The following CDK19 variants were observed in gnomAD, a reference collection of about 807,000 sequenced individuals.
The protein encoded by CDK19 is cyclin-dependent kinase 19.
In CDK19, 20 loss-of-function variants were observed where a neutral mutation model predicts 68.3. The ratio of observed to expected loss-of-function variants is 0.29; its 90% confidence interval spans 0.21 to 0.43. The LOEUF is 0.43. Among genes scored for constraint, CDK19 ranks in the 20% least tolerant of loss-of-function variants. The pLI is 1.00. For synonymous variants in CDK19, 221 were observed against 222.8 expected (o/e 0.99, Z 0.07); for missense variants, 339 against 623.5 (o/e 0.54, Z 4.86).
intron 1 of CDK19, among the ~76,000 whole-genome samples, chr6:110,798,989 C>T (rs764095607): frequency 1.3e-5 from 2 of 151,338 alleles, no homozygotes; most frequent in Non-Finnish European, 2.9e-5. Flanking sequence ...CAAAAAAATA[C>T]AAAAATCAAC....
Position 110,750,002 on chromosome 6 carries a change from C to T in CDK19, c.129-3801G>A, listed in dbSNP as rs945471967. Among the ~76,000 whole-genome samples the T allele has an allele frequency of 2.4e-4, 35 of 145,102 alleles. 2 individuals are homozygous for T. The highest frequency in any genetic ancestry group is 8.8e-4 in the African/African-American group (35 of 39,758). On this transcript the variant is annotated intron_variant, in intron 1 of 12. Coordinates refer to ENST00000368911, the MANE Select transcript of CDK19 (RefSeq NM_015076.5). Reference sequence around the variant, plus strand: ...GGCCAGGCTGGTCTCGAACTCCTGACCTGGTGATCCGCCCGCCTTGGCCTC... The same window carrying T: ...GGCCAGGCTGGTCTCGAACTCCTGATCTGGTGATCCGCCCGCCTTGGCCTC...
chr6:110,728,182 G>A (rs542796143), intron 2 of CDK19, among the ~76,000 whole-genome samples: 17 of 151,916 alleles, frequency 1.1e-4, no homozygotes, highest in African/African-American at 3.9e-4. Flanking sequence ...TAGCTACTCA[G>A]GAGGCTAAGG....
intron 1 of CDK19, among the ~76,000 whole-genome samples, chr6:110,785,078 A>AC (rs1342358083): frequency 6.6e-6 from 1 of 151,246 alleles, no homozygotes; most frequent in East Asian, 1.9e-4. Flanking sequence ...AATTGTCAAA[A>AC]AAAAAAAAAA....
At chr6:110,713,758 T>C (rs1196342163) in intron 2 of CDK19, among the ~76,000 whole-genome samples, 1 of 152,126 alleles carries the variant, frequency 6.6e-6, no homozygotes, top group Non-Finnish European at 1.5e-5. Context: ...CACTCAGGCC[T>C]GTAATCCTAG....
In CDK19 at chr6:110,623,924, CGTGTATATATATATATGT is replaced by C. The variant is rs1778921653; in HGVS notation, c.861-580_861-563del. Among the ~76,000 whole-genome samples the C allele has an allele frequency of 4.2e-5, 6 of 141,556 alleles. No homozygotes were observed. The South Asian group carries it at 1.3e-3, about 31-fold the overall frequency. The allele number at this position is 141,556 out of a possible 152,430, so 92.9% of individuals were successfully genotyped here. A position where few individuals can be genotyped will look rare whatever the true frequency, so the allele number is the denominator to read the frequency against. On this transcript the variant is annotated intron_variant, in intron 8 of 12. Coordinates refer to ENST00000368911, the MANE Select transcript of CDK19 (RefSeq NM_015076.5). ...ATATATATATACGTATATATATATA[CGTGTATATATATATATGT>C]GTGTATATATATATAGACAATCCAA...
intron 4 of CDK19, among the ~76,000 whole-genome samples, chr6:110,649,509 T>C (rs1180876592): frequency 6.6e-6 from 1 of 152,116 alleles, no homozygotes; most frequent in Admixed American, 6.5e-5. Flanking sequence ...AAAAGACTGA[T>C]AAATTTGGCT....
intron 2 of CDK19, among the ~76,000 whole-genome samples, chr6:110,687,505 A>G (rs1444545344): frequency 1.3e-5 from 2 of 152,264 alleles, no homozygotes; most frequent in African/African-American, 2.4e-5. Flanking sequence ...ACCCAAATAC[A>G]GTCCAGGAAA....
intron 4 of CDK19, chr6:110,643,317 C>G (rs981524886): frequency 1.6e-6 from 1 of 632,084 alleles, no homozygotes; most frequent in Non-Finnish European, 2.5e-6. Flanking sequence ...ACCATAAAAG[C>G]TGAAAGTAAA....
intron 1 of CDK19, among the ~76,000 whole-genome samples, chr6:110,770,769 G>C (rs546046794): frequency 6.6e-6 from 1 of 152,118 alleles, no homozygotes; most frequent in Non-Finnish European, 1.5e-5. Context: ...AAAATCAAAA[G>C]CAAGCTAGTC....
intron 2 of CDK19, among the ~76,000 whole-genome samples, chr6:110,685,423 T>G (rs1210877124): frequency 6.6e-6 from 1 of 152,192 alleles, no homozygotes; most frequent in Non-Finnish European, 1.5e-5. Flanking sequence ...TATGTTCCCA[T>G]CCATACTGAA....
intron 1 of CDK19, among the ~76,000 whole-genome samples, chr6:110,773,201 T>C (rs1183401066): frequency 3.3e-5 from 5 of 151,864 alleles, no homozygotes; most frequent in Admixed American, 6.6e-5. Context: ...AAAAATTAGC[T>C]GGGCGTGATG....
intron 2 of CDK19, among the ~76,000 whole-genome samples, chr6:110,721,925 T>C (rs531420867): frequency 1.3e-5 from 2 of 152,188 alleles, no homozygotes; most frequent in African/African-American, 2.4e-5. Flanking sequence ...GATCACGCCA[T>C]TGCGCTCCAG....
In CDK19 at chr6:110,766,556, C is replaced by A. The variant is rs79048799; in HGVS notation, c.129-20355G>T. Reference sequence around the variant, plus strand: ...TTACACCACTGGACTCCACCCTGGGCAACAGAGCGAGACTCTGTCTCAAAA... The same window carrying A: ...TTACACCACTGGACTCCACCCTGGGAAACAGAGCGAGACTCTGTCTCAAAA... On this transcript the variant is annotated intron_variant, in intron 1 of 12. Coordinates refer to ENST00000368911, the MANE Select transcript of CDK19 (RefSeq NM_015076.5). Among the ~76,000 whole-genome samples, 854 of 151,874 alleles carry A rather than the reference C, an allele frequency of 5.6e-3. 20 individuals carry two copies. In the East Asian group the frequency reaches 0.075, roughly 13 times the overall value.
At chr6:110,809,200 G>A (rs993485692) in intron 1 of CDK19, among the ~76,000 whole-genome samples, 4 of 147,298 alleles carry the variant, frequency 2.7e-5, no homozygotes, top group South Asian at 2.1e-4. Context: ...GGGAGACAGC[G>A]AGACTCCATC....
At chr6:110,698,022 A>G (rs900563129) in intron 2 of CDK19, among the ~76,000 whole-genome samples, 3 of 152,196 alleles carry the variant, frequency 2.0e-5, no homozygotes, top group Non-Finnish European at 4.4e-5. Context: ...CTGAAGATGG[A>G]TCAAAGACTT....
At chr6:110,781,638 T>C (rs957230380) in intron 1 of CDK19, among the ~76,000 whole-genome samples, 3 of 150,276 alleles carry the variant, frequency 2.0e-5, no homozygotes, top group African/African-American at 7.4e-5. Context: ...AGCTCAGGAG[T>C]TCAAGACGAG....
chr6:110,716,871 C>T (rs966220717), intron 2 of CDK19, among the ~76,000 whole-genome samples: 12 of 152,102 alleles, frequency 7.9e-5, no homozygotes, highest in Admixed American at 2.6e-4. Flanking sequence ...CAGTGGCTCA[C>T]GCCTAAAATC....
chr6:110,638,571 T>C (rs1191866396), intron 5 of CDK19, 78 bp downstream of exon 5: 1 of 757,124 alleles, frequency 1.3e-6, no homozygotes, highest in African/African-American at 1.8e-5. Flanking sequence ...ACTACCTAAA[T>C]AAGGGCATTA....
chr6:110,812,640 A>G (rs1783191721), intron 1 of CDK19, among the ~76,000 whole-genome samples: 1 of 152,190 alleles, frequency 6.6e-6, no homozygotes, highest in Non-Finnish European at 1.5e-5. Context: ...TACATTATAT[A>G]TACCAGAATC....
Sources: gnomAD v4.1 joint callset for allele counts (sites outside exome capture counted in the v4.1 genomes callset) on GRCh38, gnomAD v4.1.1 for gene constraint, MANE v1.5 for transcripts, NCBI Gene and HGNC (gene_info 2026-07-23, HGNC 2026-07-21) for gene names.